The following CTIF variants were observed in gnomAD, a reference collection of about 807,000 sequenced individuals.
CTIF encodes CBP80/20-dependent translation initiation factor.
A neutral mutation model predicts 66.0 loss-of-function variants in CTIF; 21 were observed. The observed-to-expected ratio is 0.32, with a 90% CI of 0.23 to 0.46. The LOEUF is 0.46. CTIF is among the 20% of genes least tolerant of loss of function. The probability of loss-of-function intolerance (pLI) is 1.00; values close to 1 mark genes in which losing one functional copy is unlikely to be tolerated. For missense variants in CTIF, 739 were observed against 812.7 expected (o/e 0.91, Z 1.10); for synonymous variants, 345 against 326.4 (o/e 1.06, Z -0.62).
intron 2 of CTIF, among the ~76,000 whole-genome samples, chr18:48,622,630 A>G (rs958439201): frequency 6.6e-6 from 1 of 152,174 alleles, no homozygotes; most frequent in Non-Finnish European, 1.5e-5. Flanking sequence ...TATACAAACT[A>G]TGCTTATTGC....
intron 7 of CTIF, among the ~76,000 whole-genome samples, chr18:48,742,211 C>T (rs2092560675): frequency 6.6e-6 from 1 of 152,214 alleles, no homozygotes; most frequent in Non-Finnish European, 1.5e-5. Flanking sequence ...CACACGAGCT[C>T]CTCAAGAACC....
Position 48,540,840 on chromosome 18 carries a change from G to A in CTIF, c.-29+1528G>A, listed in dbSNP as rs190233378. Among the ~76,000 whole-genome samples, 5 of 152,256 alleles carry A rather than the reference G, an allele frequency of 3.3e-5. No individual in the cohort carries two copies. The East Asian group carries it at 7.8e-4, about 24-fold the overall frequency. On this transcript the variant is annotated intron_variant, in intron 1 of 11. Transcript: ENST00000256413. ...CTCCTTGTCTAAGTCGGGGTCGTGT[G>A]TCCCCGCGCGCGCGCGCCCGAGTTA... is the stretch of plus-strand genomic sequence containing the variant.
At chr18:48,729,488 T>G (rs2145633975) in intron 7 of CTIF, among the ~76,000 whole-genome samples, 1 of 152,306 alleles carries the variant, frequency 6.6e-6, no homozygotes, top group Middle Eastern at 3.4e-3. Context: ...CCCCAGCCTT[T>G]CTCACAGCAG....
In CTIF at chr18:48,639,344, A is replaced by G. The variant is rs543570228; in HGVS notation, c.252+2659A>G. Among the ~76,000 whole-genome samples the G allele has an allele frequency of 3.3e-5, 5 of 152,336 alleles. No homozygotes were observed. In the South Asian group the frequency reaches 1.0e-3, roughly 32 times the overall value. On this transcript the variant is annotated intron_variant, in intron 3 of 11. Transcript: ENST00000256413. ...CTGAGCTCCCGGTGGGCTTGAAGCC[A>G]GGGACCTGCCTTCAAGGGCGTCACT... is the stretch of plus-strand genomic sequence containing the variant.
At chr18:48,545,574 C>T (rs1285698933) in intron 1 of CTIF, among the ~76,000 whole-genome samples, 4 of 147,756 alleles carry the variant, frequency 2.7e-5, no homozygotes, top group Non-Finnish European at 4.5e-5. Flanking sequence ...ACTAGATGGA[C>T]GGCAGCTCTT....
At chr18:48,743,606 TGAA>T (rs1348662190) in intron 7 of CTIF, among the ~76,000 whole-genome samples, 3 of 152,232 alleles carry the variant, frequency 2.0e-5, no homozygotes, top group Non-Finnish European at 2.9e-5. Flanking sequence ...TTACAATAAA[TGAA>T]GAAGAATGCA....
intron 5 of CTIF, among the ~76,000 whole-genome samples, chr18:48,664,808 C>A (rs977234761): frequency 6.6e-6 from 1 of 152,204 alleles, no homozygotes; most frequent in African/African-American, 2.4e-5. Flanking sequence ...TGTCAGTAAT[C>A]CACGCCAGCG....
chr18:48,714,391 A>G (rs1204954554), intron 7 of CTIF, among the ~76,000 whole-genome samples: 1 of 152,146 alleles, frequency 6.6e-6, no homozygotes, highest in Non-Finnish European at 1.5e-5. Context: ...CCCCCACCAT[A>G]TGAAGGGAAG....
At position 48,577,976 on chromosome 18, in the gene CTIF, C is replaced by A. The variant is rs970598772; in HGVS notation, c.-29+38664C>A. On this transcript the variant is annotated intron_variant, in intron 1 of 11. Transcript: ENST00000256413. ...CTTTTACGCCCATTACCATAACTCT[C>A]ATTTTTCCCCAGCTTCCTCAGCCCT... 5.3e-5 allele frequency among the ~76,000 whole-genome samples: 8 copies of A among 152,348 alleles called. 1 individual carries two copies. In the South Asian group the frequency reaches 1.2e-3, roughly 24 times the overall value.
At chr18:48,681,416 C>T (rs948437329) in intron 6 of CTIF, among the ~76,000 whole-genome samples, 3 of 151,892 alleles carry the variant, frequency 2.0e-5, no homozygotes, top group Non-Finnish European at 4.4e-5. Flanking sequence ...GGGCCCCCAG[C>T]TGGATGCTAC....
chr18:48,541,272 G>A (rs937121642), intron 1 of CTIF, among the ~76,000 whole-genome samples: 16 of 152,338 alleles, frequency 1.1e-4, no homozygotes, highest in Non-Finnish European at 1.0e-4. Context: ...TGCGGCCCGA[G>A]GATTATCCCC....
At chr18:48,683,234 A>G (rs1001733561) in intron 6 of CTIF, 1 of 151,908 alleles carries the variant, frequency 6.6e-6, no homozygotes, top group African/African-American at 2.4e-5. Context: ...ATAAGTAAGA[A>G]CAACAAGGGA....
At chr18:48,756,274 C>G (rs1385553699) in intron 7 of CTIF, 1 of 152,128 alleles carries the variant, frequency 6.6e-6, no homozygotes, top group African/African-American at 2.4e-5. Flanking sequence ...GACTGTCATC[C>G]CCATTGGGGA....
At chr18:48,799,279 G>A (rs766081945) in intron 9 of CTIF, among the ~76,000 whole-genome samples, 11 of 152,194 alleles carry the variant, frequency 7.2e-5, no homozygotes, top group Non-Finnish European at 1.3e-4. Context: ...AACAACTTAT[G>A]GGCTTGATGG....
intron 1 of CTIF, among the ~76,000 whole-genome samples, chr18:48,599,226 G>A (rs867757518): frequency 1.1e-4 from 16 of 152,182 alleles, no homozygotes; most frequent in South Asian, 4.2e-4. Context: ...CATGCCCTCC[G>A]TATGTCCAGC....
At chr18:48,802,007 G>A (rs554622314) in intron 9 of CTIF, among the ~76,000 whole-genome samples, 1 of 152,342 alleles carries the variant, frequency 6.6e-6, no homozygotes, top group East Asian at 1.9e-4. Flanking sequence ...TTGCTGATTA[G>A]GAAGGGTTAT....
At position 48,612,586 on chromosome 18, in the gene CTIF, G is replaced by C. The variant is rs962200460; in HGVS notation, c.-28-6952G>C. Among the ~76,000 whole-genome samples the C allele has an allele frequency of 9.2e-5, 14 of 152,206 alleles. 1 individual carries two copies. Among genetic ancestry groups the C allele is most frequent in the South Asian group, 4.1e-4 (2 of 4,830 alleles). On this transcript the variant is annotated intron_variant, in intron 1 of 11. Coordinates refer to ENST00000256413, the MANE Select transcript of CTIF (RefSeq NM_014772.3). ...TGCAGCACCAGGTGACATGGGAAGC[G>C]GCCACAGGAAGGTGGGGTGAAGACG...
At position 48,758,407 on chromosome 18, in the gene CTIF, T is replaced by TAC. The variant is rs1908631055; in HGVS notation, c.1071+3_1071+4dup. 2 of 1,568,874 alleles carry TAC rather than the reference T, an allele frequency of 1.3e-6. No individual in the cohort carries two copies. Among genetic ancestry groups the TAC allele is most frequent in the African/African-American group, 2.7e-5 (2 of 72,920 alleles). The stretch of plus-strand genomic sequence containing the variant: ...CTGCGGCGAAGGCTAAAGGAAAAGG[T>TAC]ACCGGTAATTGAATTTTTGTTCTTC... On this transcript the variant is annotated splice_region_variant and intron_variant, in intron 8 of 11. Transcript: ENST00000256413.
chr18:48,713,585 G>C (rs1391052524), intron 7 of CTIF, among the ~76,000 whole-genome samples: 1 of 152,124 alleles, frequency 6.6e-6, no homozygotes, highest in Admixed American at 6.5e-5. Context: ...GGATGTGGAC[G>C]GGCCAGGGTC....
Sources: gnomAD v4.1 joint callset for allele counts (sites outside exome capture counted in the v4.1 genomes callset) on GRCh38, gnomAD v4.1.1 for gene constraint, MANE v1.5 for transcripts, NCBI Gene and HGNC (gene_info 2026-07-23, HGNC 2026-07-21) for gene names.